Variants in HBP1 observed in about 807,000 individuals in gnomAD.
HBP1 encodes the protein HMG box-containing protein 1.
A neutral mutation model predicts 62.6 loss-of-function variants in HBP1; 20 were observed. The observed-to-expected ratio is 0.32, with a 90% CI of 0.22 to 0.46. The LOEUF (loss-of-function observed/expected upper bound fraction) is 0.46, where lower values mean the gene tolerates loss of function less well. Among genes scored for constraint, HBP1 ranks in the 20% least tolerant of loss-of-function variants. HBP1 has a pLI of 1.00. For missense variants in HBP1, 480 were observed against 611.8 expected, an observed-to-expected ratio of 0.78 and a Z score of 2.27; for synonymous variants, 232 against 206.2, an observed-to-expected ratio of 1.12 and a Z score of -1.07.
At chr7:107,181,417 A>G (rs1437936415) in intron 2 of HBP1, among the ~76,000 whole-genome samples, 1 of 152,044 alleles carries the variant, frequency 6.6e-6, no homozygotes, top group Non-Finnish European at 1.5e-5. Context: ...GGCTGCAGTG[A>G]GCTATAATTG....
intron 6 of HBP1, 78 bp from the exon 7 acceptor site, chr7:107,189,214 G>A: frequency 1.6e-6 from 2 of 1,234,158 alleles, no homozygotes. Context: ...TTTCCACAAA[G>A]TCTTACATGT....
At chr7:107,170,969 T>A (rs796689527) in intron 1 of HBP1, among the ~76,000 whole-genome samples, 2 of 143,588 alleles carry the variant, frequency 1.4e-5, no homozygotes, top group Non-Finnish European at 3.0e-5. Context: ...ATATAAAATA[T>A]ATAACATACA....
At chr7:107,170,105 T>C in intron 1 of HBP1, 1 of 985,168 alleles carries the variant, frequency 1.0e-6, no homozygotes, top group East Asian at 1.1e-4. Flanking sequence ...GCTACAGTCG[T>C]TTTTAGAAGG....
chr7:107,173,995 T>C (rs1307861054), intron 1 of HBP1, among the ~76,000 whole-genome samples: 12 of 152,210 alleles, frequency 7.9e-5, no homozygotes, highest in Admixed American at 1.3e-4. Flanking sequence ...GAGTAAGAAA[T>C]GTAAGGGCTT....
intron 1 of HBP1, among the ~76,000 whole-genome samples, chr7:107,177,231 A>G (rs1164350754): frequency 6.6e-6 from 1 of 152,226 alleles, no homozygotes; most frequent in Non-Finnish European, 1.5e-5. Context: ...TTACAGATGA[A>G]GAGAAACTCA....
Position 107,180,094 on chromosome 7 carries a change from C to T in HBP1, c.169+32C>T, listed in dbSNP as rs755155511. ...AAAATTAAAAGTTATATAGAAATCTCACTAAGATTCAGATAAATTTTTCTA... is the reference window on the plus strand; with the variant it reads ...AAAATTAAAAGTTATATAGAAATCTTACTAAGATTCAGATAAATTTTTCTA... On this transcript the variant is annotated intron_variant, in intron 2 of 10. Transcript: ENST00000222574. 6 of 1,375,246 alleles carry T rather than the reference C, an allele frequency of 4.4e-6. No homozygotes were observed. The Admixed American group carries it at 7.1e-5, about 16-fold the overall frequency. 85.2% of individuals were successfully genotyped at this position (1,375,246 alleles called of 1,614,324 possible).
At position 107,182,356 on chromosome 7, in the gene HBP1, AGT is replaced by A. The variant is rs1405751225; in HGVS notation, c.170-13_170-12del. ...TAGTAATTTCCTTTTTATGATTTTG[AGT>A]GTGCTTATTTGCAGATGACCTTCCT... On this transcript the variant is annotated splice_polypyrimidine_tract_variant and intron_variant, in intron 2 of 10. Coordinates refer to ENST00000222574, the MANE Select transcript of HBP1 (RefSeq NM_012257.4). 7.2e-7 allele frequency: 1 copy of A among 1,397,190 alleles called. No individual in the cohort carries two copies. Among genetic ancestry groups the A allele is most frequent in the African/African-American group, 1.4e-5 (1 of 70,790 alleles). The allele number at this position is 1,397,190 out of a possible 1,614,324, so 86.5% of individuals were successfully genotyped here.
chr7:107,174,773 G>C (rs1321012895), intron 1 of HBP1: 1 of 892,290 alleles, frequency 1.1e-6, no homozygotes, highest in African/African-American at 1.8e-5. Context: ...TTTCAGTTCA[G>C]ATAAGGTTGA....
chr7:107,191,285 A>G (rs960791221), intron 8 of HBP1, among the ~76,000 whole-genome samples: 3 of 152,176 alleles, frequency 2.0e-5, no homozygotes, highest in African/African-American at 7.2e-5. Flanking sequence ...TATGCTCTTA[A>G]TGCTGTTTGA....
chr7:107,201,916 C>G lies in HBP1; in HGVS notation c.*485C>G, dbSNP rs1164657600. The G allele has an allele frequency of 6.5e-6, 1 of 152,958 alleles. No individual in the cohort carries two copies. The highest frequency in any genetic ancestry group is 1.5e-5 in the Non-Finnish European group (1 of 68,300). 9.5% of individuals were successfully genotyped at this position (152,958 alleles called of 1,614,324 possible). A position where few individuals can be genotyped will look rare whatever the true frequency, so the allele number is the denominator to read the frequency against. On this transcript the variant is annotated 3_prime_UTR_variant, in exon 11 of 11. Coordinates refer to ENST00000222574, the MANE Select transcript of HBP1 (RefSeq NM_012257.4). ...TAGTAACCACCACATGGCTCAGCATCTGTGCCAAACATAGGCGCTCCTAGT... is the reference window on the plus strand; with the variant it reads ...TAGTAACCACCACATGGCTCAGCATGTGTGCCAAACATAGGCGCTCCTAGT...
intron 3 of HBP1, among the ~76,000 whole-genome samples, chr7:107,184,306 A>C (rs1325534443): frequency 6.6e-6 from 1 of 152,210 alleles, no homozygotes; most frequent in Non-Finnish European, 1.5e-5. Flanking sequence ...GAAATCAAAA[A>C]TTGGAGAGTA....
At position 107,181,828 on chromosome 7, in the gene HBP1, G is replaced by A. The variant is rs964868278; in HGVS notation, c.170-545G>A. Among the ~76,000 whole-genome samples, 4 of 151,640 alleles carry A rather than the reference G, an allele frequency of 2.6e-5. No homozygotes were observed. In the East Asian group the frequency reaches 7.7e-4, roughly 29 times the overall value. On this transcript the variant is annotated intron_variant, in intron 2 of 10. Transcript: ENST00000222574. Reference sequence around the variant, plus strand: ...TTGGTGTGTGCATGAGTGGTAGCTGGGTAATAGTTCCAGTCATCTTATGGG... The same window carrying A: ...TTGGTGTGTGCATGAGTGGTAGCTGAGTAATAGTTCCAGTCATCTTATGGG...
chr7:107,193,357 T>G (rs1797743599), intron 8 of HBP1: 1 of 152,188 alleles, frequency 6.6e-6, no homozygotes, highest in Admixed American at 6.5e-5. Flanking sequence ...AGGCAGTTAG[T>G]ATCAGAATTA....
chr7:107,201,451 T>G lies in HBP1; in HGVS notation c.*20T>G, dbSNP rs1798295451. 1 of 1,527,852 alleles carries G rather than the reference T, an allele frequency of 6.5e-7. No individual in the cohort carries two copies. The highest frequency in any genetic ancestry group is 1.4e-5 in the African/African-American group (1 of 73,218). 94.6% of individuals were successfully genotyped at this position (1,527,852 alleles called of 1,614,324 possible). A position where few individuals can be genotyped will look rare whatever the true frequency, so the allele number is the denominator to read the frequency against. ...CATTAAACCAGGATGCTTATGTTCT[T>G]AAGTCTATATTTGCATATACATTGA... is the stretch of plus-strand genomic sequence containing the variant. On this transcript the variant is annotated 3_prime_UTR_variant, in exon 11 of 11. Transcript: ENST00000222574.
At chr7:107,194,571 CTG>C (rs1797797735) in intron 8 of HBP1, among the ~76,000 whole-genome samples, 1 of 152,194 alleles carries the variant, frequency 6.6e-6, no homozygotes, top group South Asian at 2.1e-4. Flanking sequence ...AAGTCATTTA[CTG>C]TGTGTAGTCA....
chr7:107,169,410 C>T (rs1220561066), intron 1 of HBP1, among the ~76,000 whole-genome samples: 11 of 66,138 alleles, frequency 1.7e-4, no homozygotes, highest in Admixed American at 1.0e-3. Flanking sequence ...TAGGGGGTCT[C>T]GGGCGGGGGC....
chr7:107,176,253 T>C (rs1796845871), intron 1 of HBP1, among the ~76,000 whole-genome samples: 1 of 149,152 alleles, frequency 6.7e-6, no homozygotes, highest in Non-Finnish European at 1.5e-5. Context: ...CTGGAACTCC[T>C]GACCTCGTGA....
At position 107,171,060 on chromosome 7, in the gene HBP1, TATATATA is replaced by T. The variant is rs1562881877; in HGVS notation, c.-16+1876_-16+1882del. Among the ~76,000 whole-genome samples, 7 of 65,806 alleles carry T rather than the reference TATATATA, an allele frequency of 1.1e-4. 1 individual carries two copies. In the African/African-American group the frequency reaches 1.1e-3, roughly 10 times the overall value. The allele number at this position is 65,806 out of a possible 152,430, so 43.2% of individuals were successfully genotyped here. ...ATACATGTATAAATATATATATATA[TATATATA>T]TATATATTTTTTTTTTTTTTTGAGA... On this transcript the variant is annotated intron_variant, in intron 1 of 10. Transcript: ENST00000222574.
At chr7:107,173,291 C>A (rs1234857572) in intron 1 of HBP1, among the ~76,000 whole-genome samples, 1 of 152,030 alleles carries the variant, frequency 6.6e-6, no homozygotes, top group Non-Finnish European at 1.5e-5. Context: ...AGCGTGTAGT[C>A]TGGACTGGTT....
Sources: allele counts gnomAD v4.1 joint callset (sites outside exome capture counted in the v4.1 genomes callset), GRCh38; gene constraint gnomAD v4.1.1; transcripts MANE v1.5; gene names NCBI Gene and HGNC (gene_info 2026-07-23, HGNC 2026-07-21).